GRIA3: variants seen among roughly 807,000 people sequenced by gnomAD.
GRIA3 encodes glutamate receptor 3.
In GRIA3, 3 loss-of-function variants were observed where a neutral mutation model predicts 63.0. The ratio of observed to expected loss-of-function variants is 0.05; its 90% CI spans 0.02 to 0.12. The LOEUF (loss-of-function observed/expected upper bound fraction) is 0.12, where lower values mean the gene tolerates loss of function less well. GRIA3 is among the 10% of genes least tolerant of loss of function. The pLI is 1.00. For missense variants in GRIA3, 347 were observed against 700.9 expected, an observed-to-expected ratio of 0.50 and a Z score of 5.70; for synonymous variants, 274 against 257.9, an observed-to-expected ratio of 1.06 and a Z score of -0.60.
intron 2 of GRIA3, among the ~76,000 whole-genome samples, chrX:123,192,823 A>G (rs984339047): frequency 9.0e-6 from 1 of 111,335 alleles, no homozygotes; most frequent in Non-Finnish European, 1.9e-5. Flanking sequence ...TCATGTGCAC[A>G]CCAATCACCT....
intron 3 of GRIA3, among the ~76,000 whole-genome samples, chrX:123,306,718 T>A (rs898940820): frequency 9.0e-6 from 1 of 111,683 alleles, no homozygotes; most frequent in African/African-American, 3.3e-5. Context: ...CCAAGCTACA[T>A]TGAGCTTTCT....
chrX:123,460,968 G>A (rs1358439705), intron 12 of GRIA3, among the ~76,000 whole-genome samples: 1 of 111,521 alleles, frequency 9.0e-6, no homozygotes, highest in East Asian at 2.8e-4. Context: ...ATTGATGTGG[G>A]CATCAAAGGC....
At chrX:123,459,290 T>A (rs1464485963) in intron 12 of GRIA3, among the ~76,000 whole-genome samples, 2 of 111,843 alleles carry the variant, frequency 1.8e-5, no homozygotes, top group East Asian at 5.6e-4. Flanking sequence ...AATAGTTTTA[T>A]CACTAGAGAG....
At chrX:123,190,607 G>C (rs1429581473) in intron 2 of GRIA3, among the ~76,000 whole-genome samples, 2 of 111,205 alleles carry the variant, frequency 1.8e-5, no homozygotes, top group African/African-American at 6.5e-5. Context: ...ACAGCAGCAA[G>C]AAGGGTTTGA....
At chrX:123,356,084 T>C (rs761232540) in intron 5 of GRIA3, among the ~76,000 whole-genome samples, 30 of 111,790 alleles carry the variant, frequency 2.7e-4, no homozygotes, top group Middle Eastern at 4.6e-3. Context: ...ATTACATCCA[T>C]ATATTTTCAA....
At chrX:123,437,235 T>C (rs1301231746) in intron 12 of GRIA3, among the ~76,000 whole-genome samples, 1 of 110,149 alleles carries the variant, frequency 9.1e-6, no homozygotes, top group East Asian at 2.8e-4. Flanking sequence ...CAGGAAACAT[T>C]GACAGAACCC....
intron 4 of GRIA3, among the ~76,000 whole-genome samples, chrX:123,337,045 A>G (rs1011423414): frequency 8.9e-6 from 1 of 112,165 alleles, no homozygotes; most frequent in Non-Finnish European, 1.9e-5. Flanking sequence ...AGCTCTTTCT[A>G]TCATCTGAGG....
intron 2 of GRIA3, among the ~76,000 whole-genome samples, chrX:123,211,046 G>A (rs1928029837): frequency 1.8e-5 from 2 of 111,713 alleles, no homozygotes. Flanking sequence ...ATTCACCAAT[G>A]TCATCAACAA....
At chrX:123,270,492 G>A (rs891397531) in intron 3 of GRIA3, among the ~76,000 whole-genome samples, 5 of 112,437 alleles carry the variant, frequency 4.4e-5, no homozygotes, top group Non-Finnish European at 7.5e-5. Flanking sequence ...TCACTTGATC[G>A]TAGGGGCTGT....
intron 2 of GRIA3, among the ~76,000 whole-genome samples, chrX:123,192,671 T>C: frequency 8.9e-6 from 1 of 111,774 alleles, no homozygotes; most frequent in Non-Finnish European, 1.9e-5. Context: ...TCTTAAGCAA[T>C]TATCCTCAAC....
intron 11 of GRIA3, among the ~76,000 whole-genome samples, chrX:123,419,135 C>T (rs1250332110): frequency 1.8e-5 from 2 of 112,028 alleles, no homozygotes; most frequent in Non-Finnish European, 3.8e-5. Context: ...GGGCCGGGCG[C>T]GGTGATTCAT....
chrX:123,401,095 G>A (rs1204877022), intron 7 of GRIA3, among the ~76,000 whole-genome samples: 2 of 111,787 alleles, frequency 1.8e-5, no homozygotes, highest in Non-Finnish European at 3.8e-5. Flanking sequence ...GTCTTGCACA[G>A]GATGCTATGA....
intron 7 of GRIA3, among the ~76,000 whole-genome samples, chrX:123,399,704 G>A (rs73553768): frequency 0.012 from 1,345 of 112,073 alleles, 25 homozygotes; most frequent in African/African-American, 0.041. Context: ...AAAGAGATGG[G>A]CAAAGATAAG....
intron 3 of GRIA3, among the ~76,000 whole-genome samples, chrX:123,268,984 G>C (rs775090529): frequency 8.9e-6 from 1 of 111,979 alleles, no homozygotes; most frequent in African/African-American, 3.2e-5. Context: ...ATTAAGATGC[G>C]GGAGGAAAGC....
At chrX:123,302,010 C>G (rs1172197627) in intron 3 of GRIA3, among the ~76,000 whole-genome samples, 1 of 111,972 alleles carries the variant, frequency 8.9e-6, no homozygotes, top group Non-Finnish European at 1.9e-5. Flanking sequence ...AACTTCGTGA[C>G]CAGACAAAAG....
intron 7 of GRIA3, 36 bp from the exon 8 acceptor site, chrX:123,402,958 G>A (rs2045450993): frequency 1.1e-5 from 8 of 760,184 alleles, no homozygotes; most frequent in Non-Finnish European, 1.4e-5. Flanking sequence ...ATAATGCCGT[G>A]CTATTTTTAA....
chrX:123,489,744 C>T lies in GRIA3; in HGVS notation c.*1034C>T, dbSNP rs1253300206. On this transcript the variant is annotated 3_prime_UTR_variant, in exon 16 of 16. Transcript: ENST00000620443. The stretch of plus-strand genomic sequence containing the variant: ...AAGTATGCCTTTCAAGTGTACACCA[C>T]GGAGACAGGACCGCGTTGCAAGGCG... 4.4e-5 allele frequency: 5 copies of T among 112,368 alleles called. No individual in the cohort carries two copies. The highest frequency in any genetic ancestry group is 6.5e-5 in the African/African-American group (2 of 30,810). The allele number at this position is 112,368 out of a possible 1,213,427, so 9.3% of individuals were successfully genotyped here. A position where few individuals can be genotyped will look rare whatever the true frequency, so the allele number is the denominator to read the frequency against.
intron 5 of GRIA3, among the ~76,000 whole-genome samples, chrX:123,375,388 T>C (rs1229110154): frequency 3.6e-5 from 4 of 112,187 alleles, no homozygotes; most frequent in Non-Finnish European, 7.5e-5. Flanking sequence ...GATATTGGCC[T>C]CTAGCTTTCT....
intron 12 of GRIA3, among the ~76,000 whole-genome samples, chrX:123,452,360 C>G (rs754004317): frequency 2.8e-5 from 3 of 107,391 alleles, no homozygotes; most frequent in African/African-American, 7.1e-5. Flanking sequence ...ACACTCCCCC[C>G]CCAAAAAAAA....
Sources: gnomAD v4.1 joint callset for allele counts (sites outside exome capture counted in the v4.1 genomes callset) on GRCh38, gnomAD v4.1.1 for gene constraint, MANE v1.5 for transcripts, NCBI Gene and HGNC (gene_info 2026-07-23, HGNC 2026-07-21) for gene names.